Variants in USP34 observed in about 807,000 individuals in gnomAD.
USP34 encodes the protein ubiquitin carboxyl-terminal hydrolase 34.
A neutral mutation model predicts 460.3 loss-of-function variants in USP34; 70 were observed. The observed-to-expected ratio is 0.15, with a 90% CI of 0.13 to 0.19. USP34 has a LOEUF of 0.19. Among genes scored for constraint, USP34 ranks in the 10% least tolerant of loss-of-function variants. The pLI, the probability that USP34 is intolerant of heterozygous loss-of-function variation, is 1.00. For missense variants in USP34, 3,985 were observed against 4,236.2 expected (o/e 0.94, Z 1.65); for synonymous variants, 1,647 against 1,405.3 (o/e 1.17, Z -3.85).
intron 61 of USP34, 84 bp downstream of exon 61, chr2:61,228,561 G>C: frequency 8.0e-7 from 1 of 1,250,108 alleles, no homozygotes; most frequent in Non-Finnish European, 1.1e-6. Context: ...ACTTTAAAGG[G>C]TTCTAACATC....
chr2:61,229,469 A>AAC (rs1553353820), intron 59 of USP34, 79 bp downstream of exon 59: 4 of 654,920 alleles, frequency 6.1e-6, no homozygotes, highest in Non-Finnish European at 6.5e-6. Flanking sequence ...AAAAAAAAAA[A>AAC]AAAAAACAAA....
At chr2:61,239,662 T>G (rs1425671951) in intron 53 of USP34, among the ~76,000 whole-genome samples, 1 of 152,150 alleles carries the variant, frequency 6.6e-6, no homozygotes, top group East Asian at 1.9e-4. Context: ...ATCCAATTCA[T>G]GGAATTGAAA....
chr2:61,246,154 C>T (rs1355697313), intron 50 of USP34, among the ~76,000 whole-genome samples, 170 bp downstream of exon 50: 4 of 152,130 alleles, frequency 2.6e-5, no homozygotes, highest in African/African-American at 7.2e-5. Flanking sequence ...TTAAAAGATC[C>T]GTATGTTTAA....
intron 59 of USP34, among the ~76,000 whole-genome samples, 163 bp downstream of exon 59, chr2:61,229,385 G>A (rs566096202): frequency 6.7e-6 from 1 of 149,458 alleles, no homozygotes; most frequent in South Asian, 2.1e-4. Flanking sequence ...AATTTGGGAG[G>A]CCGAGGCGGG....
chr2:61,438,877 G>A (rs1222428356), intron 1 of USP34, among the ~76,000 whole-genome samples: 1 of 152,146 alleles, frequency 6.6e-6, no homozygotes, highest in South Asian at 2.1e-4. Flanking sequence ...AACTGTCCCT[G>A]TGTTTGCAGC....
At chr2:61,359,931 CCCA>C (rs1692223919) in intron 10 of USP34, among the ~76,000 whole-genome samples, 4 of 151,668 alleles carry the variant, frequency 2.6e-5, no homozygotes, top group Admixed American at 1.3e-4. Context: ...ACTACAGGCG[CCCA>C]CCACCACACC....
chr2:61,306,003 T>G (rs1690392664), intron 27 of USP34, among the ~76,000 whole-genome samples: 1 of 152,216 alleles, frequency 6.6e-6, no homozygotes, highest in Non-Finnish European at 1.5e-5. Flanking sequence ...ATGAGCAGAT[T>G]GCAAAAATTT....
intron 18 of USP34, among the ~76,000 whole-genome samples, chr2:61,336,677 G>A (rs370339739): frequency 1.1e-3 from 164 of 151,646 alleles, no homozygotes; most frequent in African/African-American, 3.8e-3. Context: ...GGGCGTGGTG[G>A]TGCACACCTA....
chr2:61,394,556 A>T (rs868423802), intron 5 of USP34, among the ~76,000 whole-genome samples: 76 of 151,518 alleles, frequency 5.0e-4, no homozygotes, highest in African/African-American at 1.0e-3. Flanking sequence ...AAAAAAAAAA[A>T]AATAAGTTAA....
intron 49 of USP34, 99 bp downstream of exon 49, chr2:61,248,412 T>C: frequency 8.1e-7 from 1 of 1,229,500 alleles, no homozygotes; most frequent in Non-Finnish European, 1.1e-6. Context: ...AGATTCAATT[T>C]TTGTTAACTG....
At chr2:61,462,659 G>A (rs548801890) in intron 1 of USP34, among the ~76,000 whole-genome samples, 2 of 151,716 alleles carry the variant, frequency 1.3e-5, no homozygotes, top group Non-Finnish European at 2.9e-5. Flanking sequence ...CCAGGAGTTT[G>A]AGACCAGCCT....
At chr2:61,223,532 T>C in intron 62 of USP34, 1 of 505,672 alleles carries the variant, frequency 2.0e-6, no homozygotes. Context: ...TAACTTACTA[T>C]TTTAGTATAT....
At position 61,339,374 on chromosome 2, in the gene USP34, G is replaced by A. The variant is rs569261490; in HGVS notation, c.2721C>T (p.Cys907=). Residue 907 remains cysteine, a synonymous_variant, in exon 18 of 80, where the codon TGC becomes TGT. Transcript: ENST00000398571. ...ACCTGTTGTTTCCCAAGTTTTCAAG[G>A]CAACCTTCAATGAATCTCATTCGAA... The part of the protein sequence containing the change: ...RQIRMRFIEG[C]LENLGNNRSV... 1.7e-5 allele frequency: 27 copies of A among 1,606,842 alleles called. No individual in the cohort carries two copies. Among genetic ancestry groups the A allele is most frequent in the Non-Finnish European group, 1.5e-5 (18 of 1,177,244 alleles).
At chr2:61,453,819 A>C (rs1003642342) in intron 1 of USP34, among the ~76,000 whole-genome samples, 1 of 151,900 alleles carries the variant, frequency 6.6e-6, no homozygotes, top group Admixed American at 6.6e-5. Flanking sequence ...AAATATTTTC[A>C]TATTTTTTTA....
At chr2:61,227,427 A>G (rs549741771) in intron 61 of USP34, among the ~76,000 whole-genome samples, 1 of 152,288 alleles carries the variant, frequency 6.6e-6, no homozygotes, top group South Asian at 2.1e-4. Flanking sequence ...AAGAATAACA[A>G]TTCTCTGCCG....
chr2:61,209,760 G>A (rs930989219), intron 69 of USP34, among the ~76,000 whole-genome samples: 6 of 152,148 alleles, frequency 3.9e-5, no homozygotes, highest in Admixed American at 3.3e-4. Context: ...CTACAGGAGG[G>A]ATTCCAGAAG....
At chr2:61,333,340 A>G (rs1018875540) in intron 19 of USP34, among the ~76,000 whole-genome samples, 2 of 152,134 alleles carry the variant, frequency 1.3e-5, no homozygotes, top group Admixed American at 6.5e-5. Flanking sequence ...AATGCATAGC[A>G]GTTGAACATA....
At chr2:61,334,604 A>T (rs1265961406) in intron 18 of USP34, among the ~76,000 whole-genome samples, 1 of 152,184 alleles carries the variant, frequency 6.6e-6, no homozygotes, top group Non-Finnish European at 1.5e-5. Flanking sequence ...AATTTTTCAC[A>T]AATTTAGGAA....
intron 41 of USP34, among the ~76,000 whole-genome samples, chr2:61,276,691 G>A (rs935995779): frequency 1.3e-5 from 2 of 152,196 alleles, no homozygotes; most frequent in African/African-American, 4.8e-5. Context: ...TTATATATAA[G>A]AGAAGACTTC....
Sources: gnomAD v4.1 joint callset for allele counts (sites outside exome capture counted in the v4.1 genomes callset) on GRCh38, gnomAD v4.1.1 for gene constraint, MANE v1.5 for transcripts, NCBI Gene and HGNC (gene_info 2026-07-23, HGNC 2026-07-21) for gene names.